The following NEK1 variants were observed in gnomAD, a reference collection of about 807,000 sequenced individuals.
NEK1 encodes the protein serine/threonine-protein kinase Nek1.
In NEK1, 137 loss-of-function variants were observed where a neutral mutation model predicts 182.1. The observed-to-expected ratio is 0.75, with a 90% CI of 0.65 to 0.87. The LOEUF (loss-of-function observed/expected upper bound fraction) is 0.87. Ranked by LOEUF, NEK1 falls within the 40% of genes least tolerant of loss-of-function variation. The pLI is 0.00. For missense variants in NEK1, 1,391 were observed against 1,494.4 expected, an observed-to-expected ratio of 0.93 and a Z score of 1.14; for synonymous variants, 513 against 492.2, an observed-to-expected ratio of 1.04 and a Z score of -0.56.
chr4:169,463,892 C>T (rs1418027616), intron 26 of NEK1, among the ~76,000 whole-genome samples: 1 of 152,142 alleles, frequency 6.6e-6, no homozygotes, highest in Non-Finnish European at 1.5e-5. Context: ...CTTGGCTTCC[C>T]AAAGTGCTGG....
chr4:169,565,254 G>A (rs72692947), intron 12 of NEK1, among the ~76,000 whole-genome samples: 6,167 of 152,230 alleles, frequency 0.041, 141 homozygotes, highest in Non-Finnish European at 0.055. Context: ...GACTCAGGAA[G>A]ATACATACAC....
At chr4:169,510,482 T>C (rs190261189) in intron 19 of NEK1, among the ~76,000 whole-genome samples, 7 of 152,284 alleles carry the variant, frequency 4.6e-5, no homozygotes, top group African/African-American at 1.7e-4. Context: ...AATAATTCTA[T>C]AATTGATCAT....
rs1182095676 is a variant in NEK1 at position 169,569,762 on chromosome 4, G to A, written c.1020+7166C>T. Among the ~76,000 whole-genome samples, 8 of 152,304 alleles carry A rather than the reference G, an allele frequency of 5.3e-5. No individual in the cohort carries two copies. In the East Asian group the frequency reaches 5.8e-4, roughly 11 times the overall value. ...GCCAGCCTCGGCCTCCCGAGGTGCC[G>A]GGATTGCAGACGGAGTCTCGTTCAC... On this transcript the variant is annotated intron_variant, in intron 12 of 35. Transcript: ENST00000507142.
At chr4:169,460,323 T>C (rs924799988) in intron 27 of NEK1, among the ~76,000 whole-genome samples, 1 of 148,986 alleles carries the variant, frequency 6.7e-6, no homozygotes, top group Admixed American at 6.7e-5. Flanking sequence ...ACATCTTACA[T>C]GGATGGTGGC....
chr4:169,511,165 C>T (rs1041496501), intron 19 of NEK1, among the ~76,000 whole-genome samples: 1 of 152,136 alleles, frequency 6.6e-6, no homozygotes, highest in Non-Finnish European at 1.5e-5. Context: ...AAAAGTATTA[C>T]TGTAAGAGCA....
chr4:169,549,993 C>G (rs916096686), intron 18 of NEK1, among the ~76,000 whole-genome samples: 6 of 152,126 alleles, frequency 3.9e-5, no homozygotes, highest in African/African-American at 1.4e-4. Context: ...AAGTGCAATT[C>G]TCAGATTCTT....
chr4:169,581,010 C>T (rs1020268427), intron 10 of NEK1, 108 bp from the exon 11 acceptor site: 3 of 414,330 alleles, frequency 7.2e-6, no homozygotes, highest in South Asian at 3.3e-5. Context: ...AATTATGCTG[C>T]CAAATAAACT....
intron 23 of NEK1, among the ~76,000 whole-genome samples, chr4:169,497,071 T>C (rs892617056): frequency 1.3e-5 from 2 of 152,214 alleles, no homozygotes; most frequent in Non-Finnish European, 2.9e-5. Context: ...AATTATTGCC[T>C]CAATTTCAGA....
At chr4:169,604,550 G>A (rs12499239) in intron 2 of NEK1, among the ~76,000 whole-genome samples, 70,099 of 152,036 alleles carry the variant, frequency 0.46, 18,650 homozygotes, top group East Asian at 0.76. Flanking sequence ...TAAGTTTGTC[G>A]TGAAACTCTT....
At chr4:169,542,829 C>T (rs781097778) in intron 18 of NEK1, among the ~76,000 whole-genome samples, 27 of 151,872 alleles carry the variant, frequency 1.8e-4, no homozygotes, top group African/African-American at 3.9e-4. Flanking sequence ...ATCCTTTGCC[C>T]GCTTATTGAT....
intron 19 of NEK1, among the ~76,000 whole-genome samples, chr4:169,533,502 A>G (rs1757988867): frequency 6.6e-6 from 1 of 152,242 alleles, no homozygotes; most frequent in East Asian, 1.9e-4. Flanking sequence ...AACATAGTCA[A>G]CAGCACACTA....
In NEK1 at chr4:169,537,796, A is replaced by G; in HGVS notation, c.1665+13T>C. 6.2e-7 allele frequency: 1 copy of G among 1,602,526 alleles called. No individual in the cohort carries two copies. Among genetic ancestry groups the G allele is most frequent in the Non-Finnish European group, 8.5e-7 (1 of 1,169,916 alleles). ...AATACATTCAAAATCTCAGAAACAA[A>G]CAAAATTCATACCATATGTCCTTCG... On this transcript the variant is annotated intron_variant, in intron 19 of 35. Transcript: ENST00000507142.
At chr4:169,431,841 G>C (rs969097359) in intron 29 of NEK1, among the ~76,000 whole-genome samples, 1 of 151,580 alleles carries the variant, frequency 6.6e-6, no homozygotes, top group Non-Finnish European at 1.5e-5. Flanking sequence ...AAAGAACAAG[G>C]CTGTTCTGAG....
At chr4:169,566,175 G>T (rs1763646617) in intron 12 of NEK1, among the ~76,000 whole-genome samples, 1 of 151,548 alleles carries the variant, frequency 6.6e-6, no homozygotes, top group South Asian at 2.1e-4. Context: ...ATAAATAACT[G>T]GATTATATAT....
intron 12 of NEK1, among the ~76,000 whole-genome samples, chr4:169,567,405 A>T (rs1193924427): frequency 8.2e-5 from 12 of 146,830 alleles, no homozygotes; most frequent in South Asian, 2.2e-4. Flanking sequence ...GAAAAAAAAA[A>T]TTTTTTTTTT....
At chr4:169,418,191 G>A (rs4557226) in intron 31 of NEK1, among the ~76,000 whole-genome samples, 25,933 of 152,064 alleles carry the variant, frequency 0.17, 2,840 homozygotes, top group South Asian at 0.31. Context: ...GTCATGCCTT[G>A]GAAATAAGTT....
intron 23 of NEK1, among the ~76,000 whole-genome samples, chr4:169,490,153 G>C (rs1266031500): frequency 6.6e-6 from 1 of 152,090 alleles, no homozygotes; most frequent in Non-Finnish European, 1.5e-5. Context: ...CTACAGTCAT[G>C]GCTAAAGTAC....
intron 23 of NEK1, among the ~76,000 whole-genome samples, chr4:169,495,871 G>A (rs2149635987): frequency 6.6e-6 from 1 of 152,272 alleles, no homozygotes; most frequent in African/African-American, 2.4e-5. Context: ...GCTTAGGATT[G>A]ACTTGGCAAT....
intron 19 of NEK1, among the ~76,000 whole-genome samples, chr4:169,525,078 CACACATATT>C (rs1756690316): frequency 2.0e-5 from 3 of 152,154 alleles, no homozygotes; most frequent in Admixed American, 2.0e-4. Context: ...TTTTAATTTA[CACACATATT>C]ACACATATTC....
Sources: allele counts gnomAD v4.1 joint callset (sites outside exome capture counted in the v4.1 genomes callset), GRCh38; gene constraint gnomAD v4.1.1; transcripts MANE v1.5; gene names NCBI Gene and HGNC (gene_info 2026-07-23, HGNC 2026-07-21).